The following PPP1R9A variants were observed in gnomAD, a reference collection of about 807,000 sequenced individuals.
PPP1R9A encodes the protein neurabin-1.
A neutral mutation model predicts 141.9 loss-of-function variants in PPP1R9A; 59 were observed. That is an observed-to-expected ratio of 0.42 (90% CI 0.34 to 0.52). The LOEUF is 0.52. Among genes scored for constraint, PPP1R9A ranks in the 20% least tolerant of loss-of-function variants. The pLI is 0.10. For synonymous variants in PPP1R9A, 500 were observed against 569.7 expected, an observed-to-expected ratio of 0.88 and a Z score of 1.74; for missense variants, 1,444 against 1,611.9, an observed-to-expected ratio of 0.90 and a Z score of 1.78.
intron 5 of PPP1R9A, among the ~76,000 whole-genome samples, chr7:95,177,849 T>A (rs1264973329): frequency 6.6e-6 from 1 of 152,058 alleles, no homozygotes; most frequent in Non-Finnish European, 1.5e-5. Flanking sequence ...ATTTGGGAGC[T>A]GCACACCTAA....
rs1167382285 is a variant in PPP1R9A, at chr7:95,151,941, C to CTTTTT, written c.1650-9901_1650-9897dup. Among the ~76,000 whole-genome samples the CTTTTT allele has an allele frequency of 8.1e-4, 44 of 54,468 alleles. 6 individuals are homozygous for CTTTTT. The highest frequency in any genetic ancestry group is 3.7e-3 in the South Asian group (5 of 1,354). 35.7% of individuals were successfully genotyped at this position (54,468 alleles called of 152,430 possible). On this transcript the variant is annotated intron_variant, in intron 4 of 19. Coordinates refer to ENST00000433360, the MANE Select transcript of PPP1R9A (RefSeq NM_001166160.2). ...AATGTCAGCACATAGTACTGAGAAT[C>CTTTTT]TTTTTTTTTTTTTTTTTTTTTTTTT...
At chr7:95,098,313 T>C (rs1022506816) in intron 2 of PPP1R9A, 8 of 152,020 alleles carry the variant, frequency 5.3e-5, no homozygotes, top group African/African-American at 1.9e-4. Context: ...AATATCCCGC[T>C]GTGAGGACTT....
chr7:95,185,295 A>C (rs569362097), intron 5 of PPP1R9A, among the ~76,000 whole-genome samples: 1 of 151,484 alleles, frequency 6.6e-6, no homozygotes, highest in Non-Finnish European at 1.5e-5. Context: ...GATGTTGAGC[A>C]TTTTTTCATA....
chr7:94,920,662 A>C (rs1425189184), intron 2 of PPP1R9A, among the ~76,000 whole-genome samples: 1 of 152,284 alleles, frequency 6.6e-6, no homozygotes, highest in Admixed American at 6.5e-5. Flanking sequence ...GGGGAAAGCT[A>C]ATCTTCCAAG....
rs756781152 is a variant in PPP1R9A at position 95,274,035 on chromosome 7, G to A, written c.3212+49G>A. ...GAAAGCCCTCTGTAAAAGGAGGATT[G>A]AAAGAGAAAATTTCAGCTTCCCCTT... On this transcript the variant is annotated intron_variant, in intron 15 of 19. Transcript: ENST00000433360. 6.0e-6 allele frequency: 9 copies of A among 1,498,194 alleles called. No individual in the cohort carries two copies. In the East Asian group the frequency reaches 1.6e-4, roughly 27 times the overall value. The allele number at this position is 1,498,194 out of a possible 1,614,324, so 92.8% of individuals were successfully genotyped here.
intron 2 of PPP1R9A, among the ~76,000 whole-genome samples, chr7:94,955,392 G>T (rs779599727): frequency 1.3e-5 from 2 of 151,960 alleles, no homozygotes; most frequent in African/African-American, 2.4e-5. Flanking sequence ...CTGTTCTTGC[G>T]ACATGGATAA....
At chr7:95,216,062 A>G (rs1793338639) in intron 7 of PPP1R9A, among the ~76,000 whole-genome samples, 1 of 152,138 alleles carries the variant, frequency 6.6e-6, no homozygotes, top group South Asian at 2.1e-4. Context: ...CTATGTTCTG[A>G]ATGGTATTGC....
intron 4 of PPP1R9A, 44 bp downstream of exon 4, chr7:95,120,876 C>G: frequency 6.4e-7 from 1 of 1,559,918 alleles, no homozygotes; most frequent in African/African-American, 1.4e-5. Flanking sequence ...CTTTAGAGAA[C>G]TTTCCTGGAA....
At chr7:95,150,583 T>C (rs1482640446) in intron 4 of PPP1R9A, among the ~76,000 whole-genome samples, 1 of 152,172 alleles carries the variant, frequency 6.6e-6, no homozygotes, top group Non-Finnish European at 1.5e-5. Flanking sequence ...ATTACAGGCA[T>C]GAGCCACCGC....
chr7:95,058,821 G>A (rs368601678), intron 2 of PPP1R9A, among the ~76,000 whole-genome samples: 2 of 151,150 alleles, frequency 1.3e-5, no homozygotes, highest in Non-Finnish European at 2.9e-5. Context: ...ATGAAGTCTC[G>A]CTCTGTTACC....
intron 2 of PPP1R9A, among the ~76,000 whole-genome samples, chr7:95,076,161 C>T (rs1388643347): frequency 2.9e-4 from 44 of 152,062 alleles, no homozygotes; most frequent in African/African-American, 4.8e-5. Context: ...CCTTGGCCTC[C>T]GAAAGTGCTG....
chr7:95,244,087 G>A (rs1797803484), intron 8 of PPP1R9A, among the ~76,000 whole-genome samples: 1 of 152,128 alleles, frequency 6.6e-6, no homozygotes, highest in Non-Finnish European at 1.5e-5. Flanking sequence ...GGCCTCATGT[G>A]TACTAAGAAA....
intron 2 of PPP1R9A, among the ~76,000 whole-genome samples, chr7:94,995,680 T>G (rs1802081809): frequency 6.6e-6 from 1 of 152,096 alleles, no homozygotes; most frequent in Non-Finnish European, 1.5e-5. Flanking sequence ...ATACCTCTAC[T>G]TAATTTTTGA....
At chr7:95,232,859 T>C (rs2152968392) in intron 8 of PPP1R9A, among the ~76,000 whole-genome samples, 1 of 152,176 alleles carries the variant, frequency 6.6e-6, no homozygotes, top group East Asian at 1.9e-4. Context: ...CATTAAAAAG[T>C]CAGGAAACAA....
chr7:94,977,601 A>G (rs1799595278), intron 2 of PPP1R9A, among the ~76,000 whole-genome samples: 1 of 152,094 alleles, frequency 6.6e-6, no homozygotes, highest in South Asian at 2.1e-4. Flanking sequence ...TAAATTGAAG[A>G]TTAACAAGTC....
chr7:95,082,399 G>A (rs1341165222), intron 2 of PPP1R9A, among the ~76,000 whole-genome samples: 1 of 150,526 alleles, frequency 6.6e-6, no homozygotes, highest in Non-Finnish European at 1.5e-5. Flanking sequence ...TAAGCCAGAA[G>A]TGGAGGCTAA....
At chr7:95,068,473 G>GGA (rs1554491161) in intron 2 of PPP1R9A, among the ~76,000 whole-genome samples, 2,645 of 94,242 alleles carry the variant, frequency 0.028, 98 homozygotes, top group African/African-American at 0.1. Context: ...CTTGTCTCAA[G>GGA]AAAAAAAAAA....
At chr7:94,941,301 G>GT (rs1563022895) in intron 2 of PPP1R9A, among the ~76,000 whole-genome samples, 1 of 152,072 alleles carries the variant, frequency 6.6e-6, no homozygotes, top group East Asian at 1.9e-4. Context: ...TGTGATGAGA[G>GT]TATGTGTAAG....
intron 16 of PPP1R9A, among the ~76,000 whole-genome samples, chr7:95,276,514 G>A (rs1365077555): frequency 8.5e-5 from 13 of 152,108 alleles, no homozygotes; most frequent in Non-Finnish European, 1.5e-5. Flanking sequence ...GAGTCCCCCT[G>A]ATTCAGCAGT....
Sources: gnomAD v4.1 joint callset for allele counts (sites outside exome capture counted in the v4.1 genomes callset) on GRCh38, gnomAD v4.1.1 for gene constraint, MANE v1.5 for transcripts, NCBI Gene and HGNC (gene_info 2026-07-23, HGNC 2026-07-21) for gene names.